The following KCND2 variants were observed in gnomAD, a reference collection of about 807,000 sequenced individuals.
KCND2 encodes the protein A-type voltage-gated potassium channel KCND2.
A neutral mutation model predicts 54.4 loss-of-function variants in KCND2; 16 were observed. The ratio of observed to expected loss-of-function variants is 0.29; its 90% CI spans 0.20 to 0.45. The LOEUF (loss-of-function observed/expected upper bound fraction) is 0.45. KCND2 is among the 20% of genes least tolerant of loss of function. KCND2 has a pLI of 1.00. For synonymous variants in KCND2, 317 were observed against 310.7 expected, an observed-to-expected ratio of 1.02 and a Z score of -0.21; for missense variants, 486 against 824.2, an observed-to-expected ratio of 0.59 and a Z score of 5.02.
intron 1 of KCND2, among the ~76,000 whole-genome samples, chr7:120,602,126 G>A (rs1396573517): frequency 1.3e-5 from 2 of 152,186 alleles, no homozygotes; most frequent in Non-Finnish European, 2.9e-5. Context: ...CCTCTGTGGT[G>A]CAGATGTAAA....
intron 1 of KCND2, among the ~76,000 whole-genome samples, chr7:120,485,099 G>T (rs1257207969): frequency 6.6e-6 from 1 of 151,922 alleles, no homozygotes; most frequent in Non-Finnish European, 1.5e-5. Flanking sequence ...TTTTGCCCAG[G>T]CTGGTCTCCA....
Position 120,424,206 on chromosome 7 carries a change from G to A in KCND2, c.1115+148459G>A, listed in dbSNP as rs917115618. Reference sequence around the variant, plus strand: ...GGTTAAGAAGTGGGCCTTGAAATCAGATCATTGACATTCAAGTCTCAACAC... The same window carrying A: ...GGTTAAGAAGTGGGCCTTGAAATCAAATCATTGACATTCAAGTCTCAACAC... On this transcript the variant is annotated intron_variant, in intron 1 of 5. Coordinates refer to ENST00000331113, the MANE Select transcript of KCND2 (RefSeq NM_012281.3). Among the ~76,000 whole-genome samples the A allele has an allele frequency of 2.0e-5, 3 of 152,168 alleles. No homozygotes were observed. In the East Asian group the frequency reaches 5.8e-4, roughly 29 times the overall value.
chr7:120,611,344 G>T (rs1792952010), intron 1 of KCND2, among the ~76,000 whole-genome samples: 1 of 152,240 alleles, frequency 6.6e-6, no homozygotes. Context: ...AATCTCAGGT[G>T]TTGGGACATG....
chr7:120,506,993 A>G (rs985723872), intron 1 of KCND2, among the ~76,000 whole-genome samples: 8 of 151,850 alleles, frequency 5.3e-5, no homozygotes, highest in African/African-American at 1.9e-4. Context: ...TATAGGGTAC[A>G]CCTGTGCATT....
intron 1 of KCND2, among the ~76,000 whole-genome samples, chr7:120,442,017 A>C (rs1563047309): frequency 6.6e-6 from 1 of 152,128 alleles, no homozygotes; most frequent in Non-Finnish European, 1.5e-5. Flanking sequence ...TTTAGTAAAA[A>C]GTACCAGACA....
chr7:120,742,303 T>C lies in KCND2; in HGVS notation c.1375-207T>C, dbSNP rs1319064796. 15 of 554,016 alleles carry C rather than the reference T, an allele frequency of 2.7e-5. No homozygotes were observed. In the Admixed American group the frequency reaches 4.2e-4, roughly 16 times the overall value. The allele number at this position is 554,016 out of a possible 1,614,324, so 34.3% of individuals were successfully genotyped here. A position where few individuals can be genotyped will look rare whatever the true frequency, so the allele number is the denominator to read the frequency against. The stretch of plus-strand genomic sequence containing the variant: ...TTTCAAATTTCAATTCAAGGAGGCA[T>C]GTCTAAAAGACCAGACCATTCATTT... On this transcript the variant is annotated intron_variant, in intron 3 of 5. Coordinates refer to ENST00000331113, the MANE Select transcript of KCND2 (RefSeq NM_012281.3).
chr7:120,541,384 A>G, intron 1 of KCND2, among the ~76,000 whole-genome samples: 1 of 147,790 alleles, frequency 6.8e-6, no homozygotes, highest in Non-Finnish European at 1.5e-5. Flanking sequence ...TTATTAAGAT[A>G]ATGAAGGAGA....
chr7:120,281,324 G>A (rs1002030994), intron 1 of KCND2, among the ~76,000 whole-genome samples: 5 of 150,862 alleles, frequency 3.3e-5, no homozygotes, highest in East Asian at 3.9e-4. Context: ...ACACACACAC[G>A]TATGCATGTA....
rs114174715 is a variant in KCND2, at chr7:120,453,255, C to G, written c.1115+177508C>G. 8.1e-3 allele frequency among the ~76,000 whole-genome samples: 1,238 copies of G among 152,308 alleles called. 12 individuals are homozygous for G. Among genetic ancestry groups the G allele is most frequent in the African/African-American group, 0.028 (1,174 of 41,554 alleles). On this transcript the variant is annotated intron_variant, in intron 1 of 5. Transcript: ENST00000331113. ...CATACCACCACTACCAGAATGAGCA[C>G]AACCCAGTGCCCTCCCCCAGCTGAT...
At position 120,735,765 on chromosome 7, in the gene KCND2, C is replaced by T. The variant is rs573101462; in HGVS notation, c.1278+2700C>T. Among the ~76,000 whole-genome samples the T allele has an allele frequency of 7.2e-5, 11 of 152,020 alleles. No homozygotes were observed. The South Asian group carries it at 1.5e-3, about 20-fold the overall frequency. On this transcript the variant is annotated intron_variant, in intron 2 of 5. Coordinates refer to ENST00000331113, the MANE Select transcript of KCND2 (RefSeq NM_012281.3). ...ATGCAATGAATTTTACAGAGTTTTA[C>T]TACTGAAAAAATTGGATTAATAAAG...
At chr7:120,442,802 T>A (rs1208761845) in intron 1 of KCND2, among the ~76,000 whole-genome samples, 1 of 152,146 alleles carries the variant, frequency 6.6e-6, no homozygotes, top group African/African-American at 2.4e-5. Flanking sequence ...GGCCATCATT[T>A]CCAGCCCTTG....
chr7:120,446,040 T>C (rs1245563234), intron 1 of KCND2, among the ~76,000 whole-genome samples: 6 of 152,182 alleles, frequency 3.9e-5, no homozygotes, highest in Non-Finnish European at 8.8e-5. Context: ...CATTAACCTT[T>C]ATCAAAACAA....
At chr7:120,388,449 A>T (rs991226910) in intron 1 of KCND2, among the ~76,000 whole-genome samples, 1 of 152,044 alleles carries the variant, frequency 6.6e-6, no homozygotes, top group African/African-American at 2.4e-5. Context: ...ATATGTGTGA[A>T]TTAGTTTCTT....
intron 1 of KCND2, among the ~76,000 whole-genome samples, chr7:120,308,628 T>C (rs1799683429): frequency 6.6e-6 from 1 of 152,202 alleles, no homozygotes. Flanking sequence ...TTGTTACTGA[T>C]TAGAGATACA....
At chr7:120,431,085 C>T (rs770105172) in intron 1 of KCND2, among the ~76,000 whole-genome samples, 4 of 152,098 alleles carry the variant, frequency 2.6e-5, no homozygotes, top group Non-Finnish European at 4.4e-5. Context: ...AAAACATCAG[C>T]TTGGATTTTG....
intron 1 of KCND2, among the ~76,000 whole-genome samples, chr7:120,486,252 T>C (rs1025863894): frequency 3.3e-5 from 5 of 152,064 alleles, no homozygotes; most frequent in African/African-American, 1.2e-4. Context: ...TGGAAAATTA[T>C]GTATGAGAAA....
intron 1 of KCND2, among the ~76,000 whole-genome samples, chr7:120,639,879 C>T (rs554111862): frequency 6.6e-6 from 1 of 151,800 alleles, no homozygotes; most frequent in Non-Finnish European, 1.5e-5. Flanking sequence ...CTTAGTGTCA[C>T]GAATATCCCA....
At chr7:120,370,146 G>A (rs1055759753) in intron 1 of KCND2, among the ~76,000 whole-genome samples, 8 of 151,984 alleles carry the variant, frequency 5.3e-5, no homozygotes, top group African/African-American at 1.9e-4. Context: ...ATCATTCCAG[G>A]CAGAGGACTG....
intron 1 of KCND2, among the ~76,000 whole-genome samples, chr7:120,501,017 AG>A (rs1331124662): frequency 1.3e-5 from 2 of 151,944 alleles, no homozygotes; most frequent in East Asian, 3.9e-4. Flanking sequence ...CTACTCTAAC[AG>A]GCTTCATAAG....
Sources: gnomAD v4.1 joint callset for allele counts (sites outside exome capture counted in the v4.1 genomes callset) on GRCh38, gnomAD v4.1.1 for gene constraint, MANE v1.5 for transcripts, NCBI Gene and HGNC (gene_info 2026-07-23, HGNC 2026-07-21) for gene names.